The following ZNF593OS variants were observed in gnomAD, a reference collection of about 807,000 sequenced individuals.
The protein encoded by ZNF593OS is ZNF593 opposite strand.
downstream of ZNF593OS, chr1:26,169,781 C>T: frequency 1.7e-6 from 1 of 587,248 alleles, no homozygotes; most frequent in Non-Finnish European, 2.8e-6. Context: ...CTTCTGGGAG[C>T]CCGTCCTGAG....
At chr1:26,170,193 G>A (rs1253113059), downstream of ZNF593OS, 11 of 1,573,528 alleles carry the variant, frequency 7.0e-6, no homozygotes, top group Non-Finnish European at 9.4e-6. Flanking sequence ...CGTGAGTCCC[G>A]GACGAGCCCG....
chr1:26,170,857 G>A, exon 2 of ZNF593OS: 1 of 1,078,626 alleles, frequency 9.3e-7, no homozygotes, highest in Non-Finnish European at 1.3e-6. Context: ...CCAAATAAAG[G>A]AACTGGACAA....
chr1:26,169,963 C>T, downstream of ZNF593OS: 7 of 1,526,342 alleles, frequency 4.6e-6, no homozygotes, highest in Non-Finnish European at 6.1e-6. Flanking sequence ...GGCCCCTTGG[C>T]CGGCCGGGCT....
chr1:26,170,472 CAAG>C, downstream of ZNF593OS: 2 of 1,614,200 alleles, frequency 1.2e-6, no homozygotes, highest in Non-Finnish European at 1.7e-6. Context: ...CCAAAGACCA[CAAG>C]AAAAGGTATG....
At position 26,171,437 on chromosome 1, in the gene ZNF593OS, G is replaced by T; in HGVS notation, c.46-102C>A. 2.5e-6 allele frequency: 1 copy of T among 398,854 alleles called. No individual in the cohort carries two copies. Among genetic ancestry groups the T allele is most frequent in the South Asian group, 1.3e-4 (1 of 7,718 alleles). The allele number at this position is 398,854 out of a possible 1,614,324, so 24.7% of individuals were successfully genotyped here. A position where few individuals can be genotyped will look rare whatever the true frequency, so the allele number is the denominator to read the frequency against. ...AGATGTAGCTAGGGGAAGGAGACAT[G>T]GACGCCGGTCCTGCCCCAGGGAGAT... On this transcript the variant is annotated intron_variant, in intron 1 of 1. Transcript: ENST00000648649. This position sits in a 1 kb window ranked among gnomAD's most constrained non-coding sequence, Gnocchi z 5.5.
chr1:26,169,883 C>A (rs866693428), downstream of ZNF593OS: 1 of 1,272,622 alleles, frequency 7.9e-7, no homozygotes, highest in Non-Finnish European at 1.0e-6. Context: ...GCCTGCCTAG[C>A]CCCCCGGCGT....
downstream of ZNF593OS, chr1:26,169,687 G>C (rs979320386): frequency 2.1e-6 from 1 of 477,278 alleles, no homozygotes; most frequent in Non-Finnish European, 3.7e-6. Flanking sequence ...AGGGCAGCAA[G>C]ACGGCCCCGA....
downstream of ZNF593OS, chr1:26,170,373 G>T (rs556605068): frequency 6.3e-7 from 1 of 1,591,584 alleles, no homozygotes; most frequent in African/African-American, 1.3e-5. Context: ...GTGCACTTGG[G>T]AGACTATCAC....
chr1:26,171,187 C>T lies in ZNF593OS; in HGVS notation c.*2G>A, dbSNP rs569834955. The T allele has an allele frequency of 2.2e-5, 9 of 406,132 alleles. 1 individual carries two copies. Among genetic ancestry groups the T allele is most frequent in the Admixed American group, 2.0e-4 (5 of 24,492 alleles). 25.2% of individuals were successfully genotyped at this position (406,132 alleles called of 1,614,324 possible). A position where few individuals can be genotyped will look rare whatever the true frequency, so the allele number is the denominator to read the frequency against. On this transcript the variant is annotated 3_prime_UTR_variant, in exon 2 of 2. Coordinates refer to ENST00000648649, the Ensembl canonical transcript of ZNF593OS. This position sits in a 1 kb window ranked among gnomAD's most constrained non-coding sequence, Gnocchi z 5.5. ...CATCCAAGTGAGAGTCTCTCTTCTT[C>T]GTTACGGGGCCCGTGGCACCCGCCG...
At chr1:26,170,425 T>G (rs754309587), downstream of ZNF593OS, 2 of 1,613,972 alleles carry the variant, frequency 1.2e-6, no homozygotes, top group Non-Finnish European at 1.7e-6. Context: ...CAGGAGGTAC[T>G]TCATCGATTC....
At position 26,171,191 on chromosome 1, in the gene ZNF593OS, A is replaced by G. The variant is rs1212956738; in HGVS notation, c.190T>C (p.Ter64GlnextTer38). 1 of 404,184 alleles carries G rather than the reference A, an allele frequency of 2.5e-6. No individual in the cohort carries two copies. Among genetic ancestry groups the G allele is most frequent in the Non-Finnish European group, 4.4e-6 (1 of 229,284 alleles). The allele number at this position is 404,184 out of a possible 1,614,324, so 25.0% of individuals were successfully genotyped here. The change falls in exon 2 of 2, where the codon TAA (stop) becomes CAA (glutamine). Residue 64 changes from the stop codon to glutamine, a stop_lost. Transcript: ENST00000648649. The surrounding 1 kb of genome is among the most constrained non-coding windows in gnomAD (Gnocchi z 5.5). ...CAAGTGAGAGTCTCTCTTCTTCGTT[A>G]CGGGGCCCGTGGCACCCGCCGCTGC...
downstream of ZNF593OS, chr1:26,169,990 C>G (rs763290658): frequency 6.5e-7 from 1 of 1,545,034 alleles, no homozygotes; most frequent in South Asian, 1.2e-5. Flanking sequence ...GGCCATGGGT[C>G]GCTCCCGCCG....
At position 26,171,192 on chromosome 1, in the gene ZNF593OS, C is replaced by T. The variant is rs1008168906; in HGVS notation, c.189G>A (p.Pro63=). ...AAGTGAGAGTCTCTCTTCTTCGTTA[C>T]GGGGCCCGTGGCACCCGCCGCTGCC... is the stretch of plus-strand genomic sequence containing the variant. Residue 63 remains proline, a synonymous_variant, in exon 2 of 2, where the codon CCG becomes CCA. Coordinates refer to ENST00000648649, the Ensembl canonical transcript of ZNF593OS. This position sits in a 1 kb window ranked among gnomAD's most constrained non-coding sequence, Gnocchi z 5.5. 8 of 405,002 alleles carry T rather than the reference C, an allele frequency of 2.0e-5. No individual in the cohort carries two copies. The highest frequency in any genetic ancestry group is 1.2e-4 in the South Asian group (1 of 8,638). The allele number at this position is 405,002 out of a possible 1,614,324, so 25.1% of individuals were successfully genotyped here.
Position 26,171,470 on chromosome 1 carries a change from C to T in ZNF593OS, c.46-135G>A, listed in dbSNP as rs2088496994. 2.5e-6 allele frequency: 1 copy of T among 398,524 alleles called. No homozygotes were observed. Among genetic ancestry groups the T allele is most frequent in the Admixed American group, 4.4e-5 (1 of 22,726 alleles). The allele number at this position is 398,524 out of a possible 1,614,324, so 24.7% of individuals were successfully genotyped here. The stretch of plus-strand genomic sequence containing the variant: ...GTCCTGCCCCAGGGAGATTCCACCC[C>T]AATCCCTTTCGCCTCACTGCCCATC... On this transcript the variant is annotated intron_variant, in intron 1 of 1. Transcript: ENST00000648649. The surrounding 1 kb of genome is among the most constrained non-coding windows in gnomAD (Gnocchi z 5.5).
At chr1:26,169,887 C>T (rs969353197), downstream of ZNF593OS, 4 of 1,309,998 alleles carry the variant, frequency 3.1e-6, no homozygotes, top group East Asian at 5.7e-5. Flanking sequence ...GCCTAGCCCC[C>T]CGGCGTGGCC....
downstream of ZNF593OS, chr1:26,170,329 T>C: frequency 6.5e-7 from 1 of 1,536,820 alleles, no homozygotes; most frequent in South Asian, 1.2e-5. Context: ...ACCCGGATCC[T>C]GGCGTCAGGG....
chr1:26,169,940 C>T, downstream of ZNF593OS: 1 of 1,506,276 alleles, frequency 6.6e-7, no homozygotes. Context: ...CGTGTGCTCC[C>T]TGCCCTGCTC....
downstream of ZNF593OS, chr1:26,170,264 A>G (rs919632879): frequency 6.4e-7 from 1 of 1,560,822 alleles, no homozygotes; most frequent in Non-Finnish European, 8.6e-7. Context: ...AGCCCCAGGC[A>G]GCGCAGAGTC....
exon 2 of ZNF593OS, chr1:26,170,988 C>T: frequency 1.8e-6 from 1 of 566,630 alleles, no homozygotes; most frequent in East Asian, 2.8e-5. Context: ...TGGTCTATCT[C>T]TGCCTTCCCT....
Sources: allele counts gnomAD v4.1 joint callset, GRCh38; gene constraint gnomAD v4.1.1; non-coding constraint Gnocchi (gnomAD v3.1); transcripts MANE v1.5; gene names NCBI Gene and HGNC (gene_info 2026-07-23, HGNC 2026-07-21).